THRB: variants seen among roughly 807,000 people sequenced by gnomAD.
The protein encoded by THRB is nuclear receptor subfamily 1 group A member 2.
A neutral mutation model predicts 47.8 loss-of-function variants in THRB; 12 were observed. The ratio of observed to expected loss-of-function variants is 0.25; its 90% CI spans 0.16 to 0.41. The LOEUF is 0.41. THRB is among the 10% of genes least tolerant of loss of function. THRB has a pLI of 1.00. For synonymous variants in THRB, 218 were observed against 212.2 expected, an observed-to-expected ratio of 1.03 and a Z score of -0.24; for missense variants, 348 against 589.2, an observed-to-expected ratio of 0.59 and a Z score of 4.24.
rs116644404 is a variant in THRB at position 24,136,331 on chromosome 3, A to G, written c.739-2869T>C. On this transcript the variant is annotated intron_variant, in intron 8 of 10. Coordinates refer to ENST00000646209, the MANE Select transcript of THRB (RefSeq NM_001354712.2). ...GTAAAACCCTTTGATTTTATCATTA[A>G]GATTTTTTTCCATAATGGATCTTAG... 4.5e-3 allele frequency among the ~76,000 whole-genome samples: 690 copies of G among 152,304 alleles called. 3 individuals are homozygous for G. Among genetic ancestry groups the G allele is most frequent in the African/African-American group, 0.016 (646 of 41,582 alleles).
chr3:24,452,708 T>A (rs902354512), intron 1 of THRB, among the ~76,000 whole-genome samples: 1 of 152,042 alleles, frequency 6.6e-6, no homozygotes, highest in Non-Finnish European at 1.5e-5. Flanking sequence ...TGTAACTATT[T>A]ATGATCACTC....
At chr3:24,474,366 C>T (rs1695139408) in intron 1 of THRB, among the ~76,000 whole-genome samples, 1 of 152,186 alleles carries the variant, frequency 6.6e-6, no homozygotes, top group Non-Finnish European at 1.5e-5. Flanking sequence ...TAAGAAAATG[C>T]ATGGCATTTG....
At chr3:24,305,128 T>C (rs181065917) in intron 2 of THRB, among the ~76,000 whole-genome samples, 2 of 152,352 alleles carry the variant, frequency 1.3e-5, no homozygotes, top group Admixed American at 1.3e-4. Flanking sequence ...GAAAACCTCC[T>C]GAGTTTATTT....
chr3:24,164,830 A>C (rs578177019), intron 5 of THRB, among the ~76,000 whole-genome samples: 7 of 152,202 alleles, frequency 4.6e-5, no homozygotes, highest in Admixed American at 1.3e-4. Context: ...TCAAAGATGA[A>C]GAAAAAAAGT....
intron 7 of THRB, chr3:24,143,943 A>T: frequency 1.8e-6 from 1 of 571,206 alleles, no homozygotes; most frequent in Non-Finnish European, 3.1e-6. Context: ...TTCAAAACAA[A>T]GTCCCCAGAG....
intron 1 of THRB, among the ~76,000 whole-genome samples, chr3:24,373,387 C>T (rs923760902): frequency 2.6e-5 from 4 of 152,122 alleles, no homozygotes; most frequent in Admixed American, 2.6e-4. Context: ...CTGGGTATTT[C>T]AGTACCATGT....
At chr3:24,225,440 G>T (rs1182070123) in intron 4 of THRB, among the ~76,000 whole-genome samples, 1 of 152,234 alleles carries the variant, frequency 6.6e-6, no homozygotes, top group East Asian at 1.9e-4. Flanking sequence ...TCACATTAAA[G>T]GCATCATAAT....
At chr3:24,177,056 C>A (rs2041253132) in intron 5 of THRB, among the ~76,000 whole-genome samples, 1 of 151,994 alleles carries the variant, frequency 6.6e-6, no homozygotes, top group Non-Finnish European at 1.5e-5. Flanking sequence ...TGTATCAATA[C>A]CATGTATGTT....
rs151132950 is a variant in THRB, at chr3:24,345,726, A to G, written c.-260-8355T>C. Among the ~76,000 whole-genome samples the G allele has an allele frequency of 1.9e-4, 29 of 152,242 alleles. No individual in the cohort carries two copies. In the Middle Eastern group the frequency reaches 0.017, roughly 89 times the overall value. ...GGTCTAGTTCTATGCTGAACTCAATACAAAAACCCAGGAAAAGAAGGGATG... is the reference window on the plus strand; with the variant it reads ...GGTCTAGTTCTATGCTGAACTCAATGCAAAAACCCAGGAAAAGAAGGGATG... On this transcript the variant is annotated intron_variant, in intron 1 of 10. Transcript: ENST00000646209.
At chr3:24,434,339 C>G (rs1032541689) in intron 1 of THRB, among the ~76,000 whole-genome samples, 2 of 152,188 alleles carry the variant, frequency 1.3e-5, no homozygotes, top group African/African-American at 4.8e-5. Flanking sequence ...GCCATCCTCA[C>G]TAAGTGTTCT....
At chr3:24,310,716 G>A (rs1559895137) in intron 2 of THRB, among the ~76,000 whole-genome samples, 2 of 152,086 alleles carry the variant, frequency 1.3e-5, no homozygotes, top group African/African-American at 4.8e-5. Flanking sequence ...CTGCAAACAT[G>A]GTGATTGTCA....
At chr3:24,364,147 G>A (rs550730727) in intron 1 of THRB, among the ~76,000 whole-genome samples, 1 of 152,206 alleles carries the variant, frequency 6.6e-6, no homozygotes, top group Admixed American at 6.5e-5. Flanking sequence ...AGGCTACACG[G>A]CAAACCAATA....
At chr3:24,197,999 T>C (rs147326923) in intron 4 of THRB, among the ~76,000 whole-genome samples, 50 of 152,314 alleles carry the variant, frequency 3.3e-4, no homozygotes, top group African/African-American at 1.2e-3. Context: ...AATCGGTTAG[T>C]CCACTAACAT....
intron 7 of THRB, among the ~76,000 whole-genome samples, chr3:24,145,418 A>G (rs2035955454): frequency 6.6e-6 from 1 of 152,182 alleles, no homozygotes; most frequent in Non-Finnish European, 1.5e-5. Flanking sequence ...AACCTCATAG[A>G]CACTAGTATC....
intron 1 of THRB, among the ~76,000 whole-genome samples, chr3:24,338,330 A>G (rs2062401255): frequency 6.6e-6 from 1 of 152,164 alleles, no homozygotes; most frequent in African/African-American, 2.4e-5. Context: ...CAAGACCACT[A>G]TTTTTCCTTT....
chr3:24,341,231 C>CTTTTT (rs5847287), intron 1 of THRB, among the ~76,000 whole-genome samples: 17,436 of 103,692 alleles, frequency 0.17, 1,848 homozygotes, highest in Non-Finnish European at 0.22. Context: ...ATGAGATTAC[C>CTTTTT]TTTTTTTTTT....
chr3:24,481,730 G>C (rs1301357336), intron 1 of THRB, among the ~76,000 whole-genome samples: 1 of 151,746 alleles, frequency 6.6e-6, no homozygotes, highest in Non-Finnish European at 1.5e-5. Context: ...AATCAGGGCA[G>C]GATTTCAGGA....
chr3:24,460,530 T>G (rs2073598682), intron 1 of THRB, among the ~76,000 whole-genome samples: 1 of 152,240 alleles, frequency 6.6e-6, no homozygotes, highest in Admixed American at 6.5e-5. Flanking sequence ...CAATTTTCTT[T>G]CATTCCTTTA....
At chr3:24,144,161 A>C in intron 7 of THRB, 1 of 189,318 alleles carries the variant, frequency 5.3e-6, no homozygotes, top group South Asian at 1.1e-4. Flanking sequence ...TTATGGAATT[A>C]AAAAAAGAAA....
Sources: gnomAD v4.1 joint callset for allele counts (sites outside exome capture counted in the v4.1 genomes callset) on GRCh38, gnomAD v4.1.1 for gene constraint, MANE v1.5 for transcripts, NCBI Gene and HGNC (gene_info 2026-07-23, HGNC 2026-07-21) for gene names.